FGF12: variants seen among roughly 807,000 people sequenced by gnomAD.
FGF12 encodes fibroblast growth factor 12.
In FGF12, 14 loss-of-function variants were observed where a neutral mutation model predicts 23.6. The observed-to-expected ratio is 0.59, with a 90% CI of 0.39 to 0.93. The LOEUF (loss-of-function observed/expected upper bound fraction) is 0.93, where lower values mean the gene tolerates loss of function less well. Ranked by LOEUF, FGF12 falls within the 40% of genes least tolerant of loss-of-function variation. The pLI, the probability that FGF12 is intolerant of heterozygous loss-of-function variation, is 0.00. For missense variants in FGF12, 175 were observed against 217.8 expected (o/e 0.80, Z 1.24); for synonymous variants, 62 against 77.3 (o/e 0.80, Z 1.04).
At position 192,412,871 on chromosome 3, in the gene FGF12, A is replaced by T. The variant is rs766807415; in HGVS notation, c.14-52333T>A. Among the ~76,000 whole-genome samples the T allele has an allele frequency of 3.3e-5, 5 of 152,254 alleles. No homozygotes were observed. In the East Asian group the frequency reaches 7.7e-4, roughly 23 times the overall value. On this transcript the variant is annotated intron_variant, in intron 2 of 5. Transcript: ENST00000445105. ...TACTGATGATTTAGGTTAAACTAAC[A>T]ACCAGGTATTTAAAGGGTTATGTCC...
chr3:192,489,514 C>T (rs570442491), intron 2 of FGF12, among the ~76,000 whole-genome samples: 2 of 152,080 alleles, frequency 1.3e-5, no homozygotes, highest in South Asian at 4.1e-4. Flanking sequence ...TCATAATCAA[C>T]GCAAGCCAAA....
intron 2 of FGF12, among the ~76,000 whole-genome samples, chr3:192,577,852 A>T (rs1418797492): frequency 7.6e-6 from 1 of 131,076 alleles, no homozygotes; most frequent in African/African-American, 3.0e-5. Context: ...TTATCCAAGA[A>T]GTCTTAAAAT....
intron 2 of FGF12, among the ~76,000 whole-genome samples, chr3:192,658,076 C>T (rs6785550): frequency 0.56 from 85,362 of 151,722 alleles, 24,422 homozygotes; most frequent in East Asian, 0.67. Context: ...CTGACAGAGA[C>T]GCTGTGAAGT....
chr3:192,712,369 A>G (rs907428331), intron 2 of FGF12, among the ~76,000 whole-genome samples: 3 of 151,962 alleles, frequency 2.0e-5, no homozygotes, highest in Admixed American at 1.3e-4. Flanking sequence ...TTAAAGAAAA[A>G]AATTCTAGAA....
chr3:192,273,842 G>A (rs898578237), intron 4 of FGF12, among the ~76,000 whole-genome samples: 15 of 151,706 alleles, frequency 9.9e-5, no homozygotes, highest in African/African-American at 2.4e-4. Flanking sequence ...CTTGCTGCCC[G>A]TGTCCTTCCT....
chr3:192,603,815 C>G (rs1847342), intron 2 of FGF12, among the ~76,000 whole-genome samples: 1 of 151,996 alleles, frequency 6.6e-6, no homozygotes, highest in Non-Finnish European at 1.5e-5. Context: ...CAGTGGTGCA[C>G]GTATTGTCTT....
At chr3:192,460,164 T>C (rs1029155400) in intron 2 of FGF12, among the ~76,000 whole-genome samples, 1 of 152,136 alleles carries the variant, frequency 6.6e-6, no homozygotes, top group African/African-American at 2.4e-5. Flanking sequence ...AGGGACCTAA[T>C]GAGAAAGACA....
intron 2 of FGF12, among the ~76,000 whole-genome samples, chr3:192,520,002 G>C (rs968970005): frequency 1.3e-5 from 2 of 152,070 alleles, no homozygotes; most frequent in African/African-American, 4.8e-5. Flanking sequence ...CTCTACCCTA[G>C]CCCTGGATTC....
chr3:192,630,318 C>A (rs967857821), intron 2 of FGF12, among the ~76,000 whole-genome samples: 2 of 152,084 alleles, frequency 1.3e-5, no homozygotes, highest in Non-Finnish European at 2.9e-5. Context: ...ATTACCAAGT[C>A]TCAGGTATTT....
intron 3 of FGF12, among the ~76,000 whole-genome samples, chr3:192,347,055 C>T (rs1717999284): frequency 6.6e-6 from 1 of 152,094 alleles, no homozygotes; most frequent in Admixed American, 6.6e-5. Flanking sequence ...TTAAAACCTT[C>T]TGAAAAGTTT....
At position 192,659,427 on chromosome 3, in the gene FGF12, A is replaced by C. The variant is rs536745600; in HGVS notation, c.13+67754T>G. ...CTGATGTGTATATACAGGGCTAGAA[A>C]AGTAGCAGAAACCATCAGTCGCTCC... On this transcript the variant is annotated intron_variant, in intron 2 of 5. Transcript: ENST00000445105. 2.2e-4 allele frequency among the ~76,000 whole-genome samples: 33 copies of C among 152,306 alleles called. No homozygotes were observed. The South Asian group carries it at 6.4e-3, about 30-fold the overall frequency.
At chr3:192,465,361 A>G (rs1722979476) in intron 2 of FGF12, among the ~76,000 whole-genome samples, 1 of 150,208 alleles carries the variant, frequency 6.7e-6, no homozygotes, top group Non-Finnish European at 1.5e-5. Flanking sequence ...GAGAATTAAC[A>G]TATGGATATA....
chr3:192,578,811 T>C, intron 2 of FGF12, among the ~76,000 whole-genome samples: 1 of 152,228 alleles, frequency 6.6e-6, no homozygotes, highest in South Asian at 2.1e-4. Context: ...TTGATTTTAG[T>C]TCTCCTGTTA....
chr3:192,425,405 A>G (rs1445475251), intron 2 of FGF12, among the ~76,000 whole-genome samples: 1 of 152,188 alleles, frequency 6.6e-6, no homozygotes, highest in East Asian at 1.9e-4. Flanking sequence ...GCAGTCTCCC[A>G]GGAATAAGTC....
intron 2 of FGF12, among the ~76,000 whole-genome samples, chr3:192,510,830 G>A (rs1724447851): frequency 6.6e-6 from 1 of 152,084 alleles, no homozygotes; most frequent in Admixed American, 6.5e-5. Context: ...AGACCTGGAG[G>A]AAACTTAAAT....
At chr3:192,166,797 G>A (rs1715184032) in intron 5 of FGF12, among the ~76,000 whole-genome samples, 1 of 152,054 alleles carries the variant, frequency 6.6e-6, no homozygotes, top group Admixed American at 6.6e-5. Context: ...CATTTATAGG[G>A]AATGAGAAGG....
rs1378560581 is a variant in FGF12, at chr3:192,409,925, C to T, written c.14-49387G>A. Among the ~76,000 whole-genome samples the T allele has an allele frequency of 6.6e-6, 1 of 151,920 alleles. No individual in the cohort carries two copies. Among genetic ancestry groups the T allele is most frequent in the African/African-American group, 2.4e-5 (1 of 41,388 alleles). On this transcript the variant is annotated intron_variant, in intron 2 of 5. Coordinates refer to ENST00000445105, the MANE Select transcript of FGF12 (RefSeq NM_004113.6). This position sits in a 1 kb window ranked among gnomAD's most constrained non-coding sequence, Gnocchi z 4.8. ...CCCCCCGCCGCCGCGCCGCCGCCTC[C>T]CCAGGCCCGGGAGGGGGCGCTCAGG... is the stretch of plus-strand genomic sequence containing the variant.
At chr3:192,279,424 A>G (rs1714013149) in intron 4 of FGF12, among the ~76,000 whole-genome samples, 3 of 152,060 alleles carry the variant, frequency 2.0e-5, no homozygotes, top group African/African-American at 4.8e-5. Context: ...AGCATTTCAC[A>G]TATTTATTTC....
In FGF12 at chr3:192,514,736, G is replaced by A; in HGVS notation, c.14-154198C>T. ...TGCAGCATATGCACTCCTTTCTTCA[G>A]AGAAAGCTCAAGAATCTTCATGGAG... On this transcript the variant is annotated intron_variant, in intron 2 of 5. Coordinates refer to ENST00000445105, the MANE Select transcript of FGF12 (RefSeq NM_004113.6). The surrounding 1 kb of genome is among the most constrained non-coding windows in gnomAD (Gnocchi z 4.9). 1.0e-6 allele frequency: 1 copy of A among 985,436 alleles called. No homozygotes were observed. The highest frequency in any genetic ancestry group is 1.2e-6 in the Non-Finnish European group (1 of 829,920). 61.0% of individuals were successfully genotyped at this position (985,436 alleles called of 1,614,324 possible).
Sources: allele counts gnomAD v4.1 joint callset (sites outside exome capture counted in the v4.1 genomes callset), GRCh38; gene constraint gnomAD v4.1.1; non-coding constraint Gnocchi (gnomAD v3.1); transcripts MANE v1.5; gene names NCBI Gene and HGNC (gene_info 2026-07-23, HGNC 2026-07-21).